The following MINDY2 variants were observed in gnomAD, a reference collection of about 807,000 sequenced individuals.
MINDY2 encodes the protein ubiquitin carboxyl-terminal hydrolase MINDY-2.
Under a neutral mutation model 68.2 loss-of-function variants are expected in MINDY2, and 52 were observed. The ratio of observed to expected loss-of-function variants is 0.76; its 90% CI spans 0.61 to 0.96. MINDY2 has a LOEUF of 0.96. Ranked by LOEUF, MINDY2 falls within the 40% of genes least tolerant of loss-of-function variation. The pLI is 0.00. For missense variants in MINDY2, 881 were observed against 773.4 expected, an observed-to-expected ratio of 1.14 and a Z score of -1.65; for synonymous variants, 372 against 303.0, an observed-to-expected ratio of 1.23 and a Z score of -2.36.
At chr15:58,839,919 A>C (rs1278712898) in intron 6 of MINDY2, among the ~76,000 whole-genome samples, 1 of 147,124 alleles carries the variant, frequency 6.8e-6, no homozygotes, top group Non-Finnish European at 1.5e-5. Flanking sequence ...TGCAACCTCC[A>C]CCTCCCAGGT....
At chr15:58,811,598 CGAG>C (rs755146699) in intron 4 of MINDY2, among the ~76,000 whole-genome samples, 3 of 152,148 alleles carry the variant, frequency 2.0e-5, no homozygotes, top group South Asian at 2.1e-4. Context: ...GAGCTCCTGA[CGAG>C]GAGATGTGAC....
chr15:58,829,295 C>T (rs750409662), intron 5 of MINDY2, among the ~76,000 whole-genome samples: 1 of 152,130 alleles, frequency 6.6e-6, no homozygotes, highest in South Asian at 2.1e-4. Context: ...TCTTAATAAG[C>T]TATGCTTTAT....
chr15:58,823,294 T>C (rs1176670614), intron 5 of MINDY2, among the ~76,000 whole-genome samples: 1 of 152,032 alleles, frequency 6.6e-6, no homozygotes, highest in Non-Finnish European at 1.5e-5. Context: ...TGCAATAATT[T>C]TGTATTTTTA....
At chr15:58,794,449 G>C (rs566119133) in intron 2 of MINDY2, among the ~76,000 whole-genome samples, 1 of 151,230 alleles carries the variant, frequency 6.6e-6, no homozygotes, top group East Asian at 1.9e-4. Context: ...AGACAGGCAG[G>C]GTATTGGAAG....
chr15:58,811,752 C>T (rs1445027699), intron 4 of MINDY2, among the ~76,000 whole-genome samples: 4 of 152,072 alleles, frequency 2.6e-5, no homozygotes, highest in African/African-American at 9.7e-5. Context: ...AGTAGGAATT[C>T]CAGTTGCTGC....
intron 2 of MINDY2, among the ~76,000 whole-genome samples, chr15:58,800,678 G>A (rs1477178864): frequency 1.0e-5 from 1 of 98,772 alleles, no homozygotes; most frequent in Non-Finnish European, 2.1e-5. Context: ...TTTTTTTTTT[G>A]AAACGATTAG....
At chr15:58,774,582 T>C (rs1280151492) in intron 1 of MINDY2, among the ~76,000 whole-genome samples, 1 of 150,546 alleles carries the variant, frequency 6.6e-6, no homozygotes, top group Non-Finnish European at 1.5e-5. Flanking sequence ...GACAGACATA[T>C]AAACAATAAT....
chr15:58,793,382 C>T (rs1446059406), intron 2 of MINDY2, among the ~76,000 whole-genome samples: 2 of 151,882 alleles, frequency 1.3e-5, no homozygotes, highest in Admixed American at 6.6e-5. Context: ...ACCCAGCAGT[C>T]GGAGGTTGCA....
intron 2 of MINDY2, among the ~76,000 whole-genome samples, 174 bp downstream of exon 2, chr15:58,788,137 GTCT>G (rs1901633129): frequency 6.6e-6 from 1 of 152,154 alleles, no homozygotes; most frequent in South Asian, 2.1e-4. Flanking sequence ...AGATGGTATA[GTCT>G]TCTTTCTGAC....
intron 6 of MINDY2, among the ~76,000 whole-genome samples, chr15:58,833,756 C>T (rs2075931210): frequency 1.3e-5 from 2 of 152,054 alleles, no homozygotes; most frequent in Admixed American, 6.6e-5. Context: ...AGTATACAAT[C>T]GGGCTTTACA....
chr15:58,829,512 A>T (rs1295235564), intron 5 of MINDY2, among the ~76,000 whole-genome samples: 3 of 152,130 alleles, frequency 2.0e-5, no homozygotes, highest in Non-Finnish European at 4.4e-5. Flanking sequence ...TCTAATGTTG[A>T]ATTTTTGGAT....
intron 1 of MINDY2, among the ~76,000 whole-genome samples, chr15:58,779,936 G>A (rs1392121546): frequency 2.0e-5 from 3 of 152,108 alleles, no homozygotes; most frequent in Admixed American, 2.0e-4. Context: ...AAGGACATTT[G>A]GGCCCAGGTG....
intron 1 of MINDY2, among the ~76,000 whole-genome samples, chr15:58,786,863 C>G (rs55985652): frequency 0.018 from 2,772 of 152,192 alleles, 78 homozygotes; most frequent in African/African-American, 0.061. Flanking sequence ...GAGTTTCACT[C>G]TTGTCACCCA....
chr15:58,808,103 G>T (rs1771535411), intron 3 of MINDY2, among the ~76,000 whole-genome samples: 1 of 151,312 alleles, frequency 6.6e-6, no homozygotes, highest in African/African-American at 2.4e-5. Context: ...AGTATGGAAA[G>T]TCCTGAGGCT....
intron 4 of MINDY2, among the ~76,000 whole-genome samples, chr15:58,818,199 C>T (rs185017874): frequency 6.6e-6 from 1 of 152,228 alleles, no homozygotes; most frequent in East Asian, 1.9e-4. Flanking sequence ...TCTGTAGATT[C>T]TCTAGTGGCA....
intron 5 of MINDY2, among the ~76,000 whole-genome samples, chr15:58,824,836 A>AT (rs1426386118): frequency 5.0e-4 from 76 of 151,850 alleles, no homozygotes; most frequent in African/African-American, 1.7e-3. Context: ...TGCCCGACTA[A>AT]TTTTTGTATT....
intron 1 of MINDY2, among the ~76,000 whole-genome samples, chr15:58,783,257 A>G (rs1901276947): frequency 6.6e-6 from 1 of 152,108 alleles, no homozygotes; most frequent in African/African-American, 2.4e-5. Context: ...AGACTGGCAA[A>G]TACTCAATTT....
At chr15:58,832,351 C>G (rs572717483) in intron 6 of MINDY2, among the ~76,000 whole-genome samples, 1 of 151,118 alleles carries the variant, frequency 6.6e-6, no homozygotes, top group African/African-American at 2.4e-5. Flanking sequence ...CTCAGCTTCC[C>G]GAGTAGCTGG....
At chr15:58,823,373 A>G (rs1278457350) in intron 5 of MINDY2, among the ~76,000 whole-genome samples, 1 of 151,998 alleles carries the variant, frequency 6.6e-6, no homozygotes, top group Non-Finnish European at 1.5e-5. Flanking sequence ...TGCAGTAAAC[A>G]TATAAAGATA....
Sources: gnomAD v4.1 joint callset for allele counts (sites outside exome capture counted in the v4.1 genomes callset) on GRCh38, gnomAD v4.1.1 for gene constraint, MANE v1.5 for transcripts, NCBI Gene and HGNC (gene_info 2026-07-23, HGNC 2026-07-21) for gene names.